The following SPMAP2L variants were observed in gnomAD, a reference collection of about 807,000 sequenced individuals.
The protein encoded by SPMAP2L is sperm microtubule associated protein 2-like.
chr4:56,572,544 TATAA>T, the SPMAP2L span, among the ~76,000 whole-genome samples: 1 of 152,204 alleles, frequency 6.6e-6, no homozygotes, highest in Admixed American at 6.5e-5. Flanking sequence ...TTTTTGAGTG[TATAA>T]ATAGAGGGAA....
At chr4:56,610,190 A>C in the SPMAP2L span, among the ~76,000 whole-genome samples, 5 of 152,206 alleles carry the variant, frequency 3.3e-5, no homozygotes, top group Non-Finnish European at 7.3e-5. Flanking sequence ...ACATTATCTG[A>C]TTTCAAACTA....
At chr4:56,593,832 C>A in the SPMAP2L span, 8 of 1,610,136 alleles carry the variant, frequency 5.0e-6, no homozygotes, top group Non-Finnish European at 6.8e-6. Context: ...GCGAATATGG[C>A]AGCCATGTTT....
At chr4:56,570,892 C>G in the SPMAP2L span, among the ~76,000 whole-genome samples, 1 of 152,076 alleles carries the variant, frequency 6.6e-6, no homozygotes, top group Non-Finnish European at 1.5e-5. Flanking sequence ...CAACCTCCCC[C>G]TCCCGGGTTC....
the SPMAP2L span, among the ~76,000 whole-genome samples, chr4:56,605,483 G>T: frequency 2.6e-5 from 4 of 152,058 alleles, no homozygotes; most frequent in African/African-American, 9.7e-5. Context: ...GTGAGAGAAG[G>T]CTTCTCTAAT....
the SPMAP2L span, among the ~76,000 whole-genome samples, chr4:56,618,419 C>A: frequency 6.6e-6 from 1 of 152,170 alleles, no homozygotes; most frequent in Admixed American, 6.5e-5. Context: ...ATACCCAAGA[C>A]TGAATAATTT....
the SPMAP2L span, among the ~76,000 whole-genome samples, chr4:56,564,293 C>G: frequency 6.6e-6 from 1 of 152,052 alleles, no homozygotes; most frequent in Non-Finnish European, 1.5e-5. Context: ...CACGCACCAC[C>G]ATGCCTAGCT....
the SPMAP2L span, among the ~76,000 whole-genome samples, chr4:56,623,841 T>G: frequency 6.6e-6 from 1 of 152,192 alleles, no homozygotes; most frequent in African/African-American, 2.4e-5. Flanking sequence ...CCCAGTTTCA[T>G]GTATGTTTTT....
chr4:56,557,385 T>C, the SPMAP2L span, among the ~76,000 whole-genome samples: 145,054 of 152,318 alleles, frequency 0.95, 69,157 homozygotes, highest in Middle Eastern at 0.97. Flanking sequence ...AAAAGAAAGA[T>C]GGATCCTATG....
chr4:56,573,573 AAGG>A, the SPMAP2L span, among the ~76,000 whole-genome samples: 1 of 152,132 alleles, frequency 6.6e-6, no homozygotes, highest in Non-Finnish European at 1.5e-5. Flanking sequence ...GCCTGAGTCT[AAGG>A]TCTCCACAGT....
the SPMAP2L span, chr4:56,531,246 C>G: frequency 6.9e-7 from 1 of 1,441,228 alleles, no homozygotes; most frequent in Non-Finnish European, 9.1e-7. Flanking sequence ...CACCCACGCC[C>G]CATCTAGAAC....
At chr4:56,545,763 A>C in the SPMAP2L span, among the ~76,000 whole-genome samples, 1 of 151,190 alleles carries the variant, frequency 6.6e-6, no homozygotes, top group African/African-American at 2.4e-5. Flanking sequence ...AATAGTAAAC[A>C]CTTCCTTAAC....
the SPMAP2L span, among the ~76,000 whole-genome samples, chr4:56,600,097 C>CTTTCTTTTTTTTTTTTTTTTTTTTT: frequency 2.3e-5 from 2 of 87,782 alleles, no homozygotes; most frequent in African/African-American, 1.0e-4. Flanking sequence ...TCTTTGCTTT[C>CTTTCTTTTTTTTTTTTTTTTTTTTT]TTTTTTTTTT....
the SPMAP2L span, among the ~76,000 whole-genome samples, chr4:56,538,851 C>A: frequency 6.6e-6 from 1 of 152,244 alleles, no homozygotes; most frequent in East Asian, 1.9e-4. Flanking sequence ...TCTACCTTCT[C>A]AATTTGTCTT....
At chr4:56,597,117 C>A in the SPMAP2L span, among the ~76,000 whole-genome samples, 3 of 152,218 alleles carry the variant, frequency 2.0e-5, no homozygotes, top group East Asian at 5.8e-4. Flanking sequence ...TCAGTGAAGG[C>A]CTCTCTAAGG....
chr4:56,542,774 A>G, the SPMAP2L span, among the ~76,000 whole-genome samples: 1,002 of 152,258 alleles, frequency 6.6e-3, 15 homozygotes, highest in African/African-American at 0.023. Flanking sequence ...TGGGGAATGT[A>G]AGATTGATGA....
chr4:56,571,602 T>C, the SPMAP2L span, among the ~76,000 whole-genome samples: 2 of 152,138 alleles, frequency 1.3e-5, no homozygotes, highest in South Asian at 2.1e-4. Flanking sequence ...TCCCAATGCT[T>C]TGGGAGGCCA....
chr4:56,598,780 G>C, the SPMAP2L span, among the ~76,000 whole-genome samples: 1 of 152,082 alleles, frequency 6.6e-6, no homozygotes, highest in African/African-American at 2.4e-5. Context: ...TAAGTGATAG[G>C]GTTTGGCTCT....
At chr4:56,603,224 T>C in the SPMAP2L span, 1 of 1,531,968 alleles carries the variant, frequency 6.5e-7, no homozygotes, top group Non-Finnish European at 8.7e-7. Flanking sequence ...CTGTGCGTAT[T>C]GTGTATTATG....
At chr4:56,575,465 G>T in the SPMAP2L span, 6 of 1,531,206 alleles carry the variant, frequency 3.9e-6, no homozygotes, top group South Asian at 6.0e-5. Context: ...TTGAAATCAT[G>T]CTTGTTTCGT....
Sources: allele counts gnomAD v4.1 joint callset (sites outside exome capture counted in the v4.1 genomes callset), GRCh38; gene constraint gnomAD v4.1.1; transcripts MANE v1.5; gene names NCBI Gene and HGNC (gene_info 2026-07-23, HGNC 2026-07-21).